The following HS3ST4 variants were observed in gnomAD, a reference collection of about 807,000 sequenced individuals.
HS3ST4 encodes the protein heparan sulfate glucosamine 3-O-sulfotransferase 4.
Under a neutral mutation model 29.2 loss-of-function variants are expected in HS3ST4, and 17 were observed. The ratio of observed to expected loss-of-function variants is 0.58; its 90% CI spans 0.40 to 0.87. HS3ST4 has a LOEUF of 0.87. Among genes scored for constraint, HS3ST4 ranks in the 40% least tolerant of loss-of-function variants. HS3ST4 has a pLI of 0.00. For synonymous variants in HS3ST4, 314 were observed against 285.7 expected (o/e 1.10, Z -1.00); for missense variants, 627 against 634.5 (o/e 0.99, Z 0.13).
At chr16:25,713,547 AACAAAC>A (rs368754521) in intron 1 of HS3ST4, among the ~76,000 whole-genome samples, 5,316 of 151,986 alleles carry the variant, frequency 0.035, 112 homozygotes, top group Middle Eastern at 0.068. Context: ...CAAACAAACA[AACAAAC>A]AAACAAACAT....
chr16:26,050,610 A>G (rs978787979), intron 1 of HS3ST4, among the ~76,000 whole-genome samples: 3 of 152,196 alleles, frequency 2.0e-5, no homozygotes, highest in African/African-American at 4.8e-5. Flanking sequence ...CTAAGGGGTC[A>G]AAGACTCGCA....
rs945189771 is a variant in HS3ST4, at chr16:26,095,804, T to G, written c.735-39808T>G. Among the ~76,000 whole-genome samples the G allele has an allele frequency of 2.0e-4, 31 of 152,134 alleles. 1 individual carries two copies. The highest frequency in any genetic ancestry group is 6.5e-4 in the Admixed American group (10 of 15,278). On this transcript the variant is annotated intron_variant, in intron 1 of 1. Coordinates refer to ENST00000331351, the MANE Select transcript of HS3ST4 (RefSeq NM_006040.3). Reference sequence around the variant, plus strand: ...AAAGAGATAGACACACAAAAAATCCTTCAAAAAATCAGTGAATCCAGGAGC... The same window carrying G: ...AAAGAGATAGACACACAAAAAATCCGTCAAAAAATCAGTGAATCCAGGAGC...
intron 1 of HS3ST4, among the ~76,000 whole-genome samples, chr16:25,902,250 G>A (rs748226246): frequency 1.1e-4 from 16 of 152,128 alleles, no homozygotes; most frequent in Non-Finnish European, 2.1e-4. Flanking sequence ...CATCATGGTG[G>A]CTCATGCCTG....
chr16:25,712,172 A>C (rs142257491), intron 1 of HS3ST4, among the ~76,000 whole-genome samples: 1,790 of 152,238 alleles, frequency 0.012, 11 homozygotes, highest in South Asian at 0.027. Context: ...AGGAAAAAAA[A>C]CCCCAAATTT....
chr16:25,925,803 C>T (rs771844876), intron 1 of HS3ST4, among the ~76,000 whole-genome samples: 7 of 152,106 alleles, frequency 4.6e-5, no homozygotes, highest in Non-Finnish European at 5.9e-5. Flanking sequence ...CAACAGTGTG[C>T]CTGTTCCTGG....
chr16:26,020,953 A>G (rs1176949524), intron 1 of HS3ST4, among the ~76,000 whole-genome samples: 2 of 152,198 alleles, frequency 1.3e-5, no homozygotes, highest in Admixed American at 6.5e-5. Context: ...GATGGTTGGT[A>G]AGAATGGTTC....
At chr16:26,100,934 G>C (rs910931077) in intron 1 of HS3ST4, among the ~76,000 whole-genome samples, 15 of 152,272 alleles carry the variant, frequency 9.9e-5, no homozygotes, top group African/African-American at 3.6e-4. Flanking sequence ...AGGGCTCAAA[G>C]GCAGGAGATG....
chr16:25,926,968 A>C (rs990298234), intron 1 of HS3ST4, among the ~76,000 whole-genome samples: 7 of 152,282 alleles, frequency 4.6e-5, no homozygotes, highest in Non-Finnish European at 1.0e-4. Context: ...CTTTAAGGTC[A>C]GGAGAATTGC....
intron 1 of HS3ST4, among the ~76,000 whole-genome samples, chr16:25,922,162 T>G (rs1315097715): frequency 6.6e-6 from 1 of 152,234 alleles, no homozygotes; most frequent in Non-Finnish European, 1.5e-5. Flanking sequence ...CTTTCTGTCT[T>G]CTGCTAACTG....
chr16:25,855,168 T>C (rs1967563001), intron 1 of HS3ST4, among the ~76,000 whole-genome samples: 1 of 152,098 alleles, frequency 6.6e-6, no homozygotes, highest in African/African-American at 2.4e-5. Flanking sequence ...TGATTGGCAG[T>C]TGGTTGAAAG....
intron 1 of HS3ST4, among the ~76,000 whole-genome samples, chr16:25,903,387 T>A (rs1567268760): frequency 2.8e-5 from 2 of 72,044 alleles, no homozygotes; most frequent in Non-Finnish European, 6.2e-5. Flanking sequence ...ATATATAAAA[T>A]CACATATCAC....
intron 1 of HS3ST4, among the ~76,000 whole-genome samples, chr16:25,737,020 T>A (rs1269754357): frequency 6.6e-6 from 1 of 152,170 alleles, no homozygotes; most frequent in East Asian, 1.9e-4. Flanking sequence ...GGCTAATTTT[T>A]GTATTTTTGT....
At chr16:25,956,738 C>T (rs1968736599) in intron 1 of HS3ST4, among the ~76,000 whole-genome samples, 1 of 151,908 alleles carries the variant, frequency 6.6e-6, no homozygotes, top group African/African-American at 2.4e-5. Context: ...GTGGCTCATG[C>T]CTGTAATCCC....
chr16:26,085,347 C>A (rs958493950), intron 1 of HS3ST4, among the ~76,000 whole-genome samples: 1 of 152,302 alleles, frequency 6.6e-6, no homozygotes, highest in African/African-American at 2.4e-5. Flanking sequence ...GTTTCTATTA[C>A]ATACCAGGCC....
intron 1 of HS3ST4, among the ~76,000 whole-genome samples, chr16:25,903,586 A>C (rs971350379): frequency 2.6e-5 from 4 of 152,018 alleles, no homozygotes; most frequent in Non-Finnish European, 4.4e-5. Flanking sequence ...TACTTATTAG[A>C]AGCAAAAGGG....
intron 1 of HS3ST4, among the ~76,000 whole-genome samples, chr16:25,827,357 G>A (rs1037278127): frequency 4.6e-5 from 7 of 152,112 alleles, no homozygotes; most frequent in African/African-American, 7.2e-5. Flanking sequence ...TCCATACCCT[G>A]ATCGACACCT....
intron 1 of HS3ST4, among the ~76,000 whole-genome samples, chr16:25,843,268 AT>A (rs1423734701): frequency 6.6e-6 from 1 of 152,156 alleles, no homozygotes; most frequent in Non-Finnish European, 1.5e-5. Context: ...AGACGATGCT[AT>A]CAACTGGGAG....
At chr16:25,978,100 C>T (rs934570251) in intron 1 of HS3ST4, among the ~76,000 whole-genome samples, 2 of 152,128 alleles carry the variant, frequency 1.3e-5, no homozygotes, top group African/African-American at 4.8e-5. Context: ...AACAATGCTA[C>T]CTTCAACGTT....
chr16:25,894,811 T>A (rs1226031361), intron 1 of HS3ST4, among the ~76,000 whole-genome samples: 1 of 152,202 alleles, frequency 6.6e-6, no homozygotes, highest in South Asian at 2.1e-4. Flanking sequence ...TGGTGGCCTC[T>A]TTTTATTTGT....
Sources: allele counts gnomAD v4.1 joint callset (sites outside exome capture counted in the v4.1 genomes callset), GRCh38; gene constraint gnomAD v4.1.1; transcripts MANE v1.5; gene names NCBI Gene and HGNC (gene_info 2026-07-23, HGNC 2026-07-21).